Variants in ERLIN2 observed in about 807,000 individuals in gnomAD.
ERLIN2 encodes ER lipid raft associated 2, also known as erlin-2.
ERLIN2 carries 22 observed loss-of-function variants against 41.5 expected under a neutral mutation model. The ratio of observed to expected loss-of-function variants is 0.53; its 90% confidence interval spans 0.38 to 0.76. ERLIN2 has a LOEUF of 0.76. Ranked by LOEUF, ERLIN2 falls within the 30% of genes least tolerant of loss-of-function variation. The probability of loss-of-function intolerance (pLI) is 0.00; values close to 1 mark genes in which losing one functional copy is unlikely to be tolerated. For synonymous variants in ERLIN2, 149 were observed against 150.9 expected (o/e 0.99, Z 0.09); for missense variants, 247 against 414.3 (o/e 0.60, Z 3.51).
rs767928132 is a variant in ERLIN2, at chr8:37,755,011, A to G, written c.*896A>G. On this transcript the variant is annotated 3_prime_UTR_variant, in exon 12 of 12. Coordinates refer to ENST00000519638, the MANE Select transcript of ERLIN2 (RefSeq NM_007175.8). ...GCACCTCGAGATGAAGTGTCTTTCT[A>G]TTATTGTAGAGATTCTGTAGTGAAG... 3.3e-5 allele frequency: 5 copies of G among 152,228 alleles called. No individual in the cohort carries two copies. Among genetic ancestry groups the G allele is most frequent in the East Asian group, 1.9e-4 (1 of 5,186 alleles). The allele number at this position is 152,228 out of a possible 1,614,324, so 9.4% of individuals were successfully genotyped here. A position where few individuals can be genotyped will look rare whatever the true frequency, so the allele number is the denominator to read the frequency against.
At chr8:37,742,265 T>C (rs1802876686) in intron 4 of ERLIN2, among the ~76,000 whole-genome samples, 1 of 150,514 alleles carries the variant, frequency 6.6e-6, no homozygotes, top group Non-Finnish European at 1.5e-5. Flanking sequence ...GACTTGAACC[T>C]GGGAGGCAGA....
Position 37,741,799 on chromosome 8 carries a change from A to T in ERLIN2, c.217A>T (p.Asn73Tyr). 6.2e-7 allele frequency: 1 copy of T among 1,613,744 alleles called. No individual in the cohort carries two copies. Among genetic ancestry groups the T allele is most frequent in the Non-Finnish European group, 8.5e-7 (1 of 1,179,582 alleles). ...QTTLQTDEVK[N>Y]VPCGTSGGVM... ...CACACTCCAGACAGATGAGGTGAAG[A>T]ATGTACCTTGTGGGACTAGGTAAGG... Residue 73 changes from asparagine to tyrosine, a missense_variant, in exon 4 of 12, where the codon AAT becomes TAT. Asn to Tyr is a moderately radical substitution (Grantham distance 143). Coordinates refer to ENST00000519638, the MANE Select transcript of ERLIN2 (RefSeq NM_007175.8). This position sits in a 1 kb window ranked among gnomAD's most constrained non-coding sequence, Gnocchi z 4.8.
At position 37,744,751 on chromosome 8, in the gene ERLIN2, C is replaced by T. The variant is rs199673983; in HGVS notation, c.424+55C>T. ...CTTAAGCAGGGTTCCTGGAACCCCG[C>T]GTCTCTCCACTGCCTAAAGCCTGGC... On this transcript the variant is annotated intron_variant, in intron 6 of 11. Transcript: ENST00000519638. The T allele has an allele frequency of 1.7e-3, 2,713 of 1,604,214 alleles. 3 individuals carry two copies. The highest frequency in any genetic ancestry group is 1.9e-3 in the Non-Finnish European group (2,216 of 1,171,364).
In ERLIN2 at chr8:37,741,714, A is replaced by G. The variant is rs138536713; in HGVS notation, c.190-58A>G. 7.4e-7 allele frequency: 1 copy of G among 1,349,498 alleles called. No homozygotes were observed. Among genetic ancestry groups the G allele is most frequent in the African/African-American group, 1.4e-5 (1 of 69,766 alleles). 83.6% of individuals were successfully genotyped at this position (1,349,498 alleles called of 1,614,324 possible). On this transcript the variant is annotated intron_variant, in intron 3 of 11. Transcript: ENST00000519638. This position sits in a 1 kb window ranked among gnomAD's most constrained non-coding sequence, Gnocchi z 4.8. ...GGACAAAGGCATTTAGGATTCTGAA[A>G]AGTAAGTTACTTTGTCACTGCCCAT...
chr8:37,738,227 C>T (rs1245791289), intron 2 of ERLIN2, among the ~76,000 whole-genome samples, 198 bp downstream of exon 2: 1 of 152,214 alleles, frequency 6.6e-6, no homozygotes, highest in Non-Finnish European at 1.5e-5. Context: ...AAATTTAGAA[C>T]TTCACTTAGT....
chr8:37,742,184 T>TA (rs1802873998), intron 4 of ERLIN2, among the ~76,000 whole-genome samples: 1 of 151,488 alleles, frequency 6.6e-6, no homozygotes, highest in Admixed American at 6.6e-5. Flanking sequence ...TCTACTAAAA[T>TA]ACAAAAATTA....
chr8:37,742,820 GAAAAT>G (rs1341421542), intron 4 of ERLIN2, among the ~76,000 whole-genome samples: 2 of 152,092 alleles, frequency 1.3e-5, no homozygotes, highest in African/African-American at 2.4e-5. Flanking sequence ...TTAAACAATG[GAAAAT>G]AAAATAAAAT....
At chr8:37,747,823 G>C in intron 6 of ERLIN2, 1 of 1,614,210 alleles carries the variant, frequency 6.2e-7, no homozygotes, top group African/African-American at 1.3e-5. Flanking sequence ...ATGTTTGGCA[G>C]CATCAATCAC....
chr8:37,748,099 C>A (rs1585912615), intron 6 of ERLIN2: 1 of 869,680 alleles, frequency 1.1e-6, no homozygotes, highest in Non-Finnish European at 1.9e-6. Context: ...CCTGCGGCTA[C>A]CTTAGTAATA....
intron 6 of ERLIN2, chr8:37,745,975 G>C: frequency 9.7e-7 from 1 of 1,030,506 alleles, no homozygotes; most frequent in Non-Finnish European, 1.2e-6. Flanking sequence ...TGTCCCTGAA[G>C]AGGAAATTAA....
chr8:37,745,545 T>C (rs757131604), intron 6 of ERLIN2: 1 of 1,612,230 alleles, frequency 6.2e-7, no homozygotes, highest in East Asian at 2.2e-5. Context: ...TTTTAACCAA[T>C]AGTATAACTG....
intron 4 of ERLIN2, among the ~76,000 whole-genome samples, chr8:37,742,424 C>A (rs1432446847): frequency 1.3e-5 from 2 of 151,122 alleles, no homozygotes; most frequent in Non-Finnish European, 2.9e-5. Context: ...CAACGATAGA[C>A]AGGATAAAGA....
rs1352951202 is a variant in ERLIN2, at chr8:37,749,790, C to T, written c.499-4C>T. On this transcript the variant is annotated splice_region_variant and splice_polypyrimidine_tract_variant and intron_variant, in intron 7 of 11. Transcript: ENST00000519638. The stretch of plus-strand genomic sequence containing the variant: ...CATCAGCTGCTGTTTTAATCTCTCT[C>T]CAGGCTGTGCGGGTAACAAAGCCCA... The T allele has an allele frequency of 1.9e-6, 3 of 1,613,896 alleles. No individual in the cohort carries two copies. The highest frequency in any genetic ancestry group is 1.3e-5 in the African/African-American group (1 of 74,922).
At chr8:37,737,193 C>T (rs1159515299) in intron 1 of ERLIN2, 3 of 173,624 alleles carry the variant, frequency 1.7e-5, no homozygotes, top group African/African-American at 7.2e-5. Flanking sequence ...GCGGTTGGAC[C>T]TAGGAGCCTA....
Position 37,744,701 on chromosome 8 carries a change from G to C in ERLIN2, c.424+5G>C, listed in dbSNP as rs1417842028. 1 of 1,614,226 alleles carries C rather than the reference G, an allele frequency of 6.2e-7. No homozygotes were observed. The highest frequency in any genetic ancestry group is 8.5e-7 in the Non-Finnish European group (1 of 1,180,036). On this transcript the variant is annotated splice_donor_5th_base_variant and intron_variant, in intron 6 of 11. Coordinates refer to ENST00000519638, the MANE Select transcript of ERLIN2 (RefSeq NM_007175.8). ...AGGTCTACATTGAGCTGTTTGGTAA[G>C]AAAGTCTCTCCTGAGCATGCCGTGC...
At position 37,755,569 on chromosome 8, in the gene ERLIN2, A is replaced by ACCCCCCCCCC. The variant is rs1305006911; in HGVS notation, c.*1457_*1466dup. 2 of 57,580 alleles carry ACCCCCCCCCC rather than the reference A, an allele frequency of 3.5e-5. No individual in the cohort carries two copies. Among genetic ancestry groups the ACCCCCCCCCC allele is most frequent in the Non-Finnish European group, 3.2e-5 (1 of 31,140 alleles). 3.6% of individuals were successfully genotyped at this position (57,580 alleles called of 1,614,324 possible). On this transcript the variant is annotated 3_prime_UTR_variant, in exon 12 of 12. Coordinates refer to ENST00000519638, the MANE Select transcript of ERLIN2 (RefSeq NM_007175.8). ...AGCTGACCCCCACCCCCCACCCCCC[A>ACCCCCCCCCC]CCCCCCCCCCCCGCCAACTCCTATA...
At chr8:37,751,768 C>A in intron 10 of ERLIN2, 53 bp downstream of exon 10, 1 of 1,405,130 alleles carries the variant, frequency 7.1e-7, no homozygotes, top group Non-Finnish European at 1.0e-6. Context: ...CGCCCTGTGG[C>A]CAGTGGGTTG....
chr8:37,745,533 A>T (rs1294513287), intron 6 of ERLIN2: 2 of 1,610,540 alleles, frequency 1.2e-6, no homozygotes, highest in Non-Finnish European at 1.7e-6. Context: ...AAGTAAATGA[A>T]TTTTTAACCA....
At chr8:37,753,853 A>T in intron 11 of ERLIN2, 62 bp from the exon 12 acceptor site, 44 of 1,303,682 alleles carry the variant, frequency 3.4e-5, no homozygotes, top group Non-Finnish European at 4.8e-5. Context: ...AAGGGGCACC[A>T]CTCCCCTCCT....
Sources: allele counts gnomAD v4.1 joint callset (sites outside exome capture counted in the v4.1 genomes callset), GRCh38; gene constraint gnomAD v4.1.1; non-coding constraint Gnocchi (gnomAD v3.1); transcripts MANE v1.5; gene names NCBI Gene and HGNC (gene_info 2026-07-23, HGNC 2026-07-21).